CLSTN2: variants seen among roughly 807,000 people sequenced by gnomAD.
CLSTN2 encodes the protein calsyntenin-2.
CLSTN2 carries 48 observed loss-of-function variants against 101.2 expected under a neutral mutation model. The ratio of observed to expected loss-of-function variants is 0.47; its 90% confidence interval spans 0.38 to 0.60. CLSTN2 has a LOEUF of 0.60. CLSTN2 is among the 20% of genes least tolerant of loss of function. The pLI, the probability that CLSTN2 is intolerant of heterozygous loss-of-function variation, is 0.00. For synonymous variants in CLSTN2, 481 were observed against 463.6 expected (o/e 1.04, Z -0.48); for missense variants, 1,160 against 1,238.2 (o/e 0.94, Z 0.95).
At chr3:140,440,091 T>C (rs1043859594) in intron 5 of CLSTN2, among the ~76,000 whole-genome samples, 2 of 151,752 alleles carry the variant, frequency 1.3e-5, no homozygotes, top group South Asian at 2.1e-4. Flanking sequence ...GGGGTGGAGA[T>C]TGGGGGAGAC....
chr3:140,227,644 A>G (rs2086335046), intron 2 of CLSTN2, among the ~76,000 whole-genome samples: 1 of 152,232 alleles, frequency 6.6e-6, no homozygotes, highest in Non-Finnish European at 1.5e-5. Context: ...TTGCCCTAGC[A>G]AAGGTTCTCA....
chr3:140,279,971 C>G (rs980786198), intron 2 of CLSTN2, among the ~76,000 whole-genome samples: 2 of 152,158 alleles, frequency 1.3e-5, no homozygotes, highest in African/African-American at 4.8e-5. Flanking sequence ...GTGGCTCGCT[C>G]CACTCTCTTG....
chr3:140,495,868 C>T, intron 8 of CLSTN2, among the ~76,000 whole-genome samples: 1 of 152,070 alleles, frequency 6.6e-6, no homozygotes, highest in Non-Finnish European at 1.5e-5. Flanking sequence ...TTACTGTACC[C>T]TTGTAGTATA....
At chr3:140,158,493 A>G (rs2009992633) in intron 1 of CLSTN2, among the ~76,000 whole-genome samples, 1 of 152,208 alleles carries the variant, frequency 6.6e-6, no homozygotes, top group Non-Finnish European at 1.5e-5. Flanking sequence ...CTCATCAAGG[A>G]GATGAAAGAT....
chr3:140,343,720 A>G (rs1363462171), intron 2 of CLSTN2, among the ~76,000 whole-genome samples: 1 of 152,346 alleles, frequency 6.6e-6, no homozygotes, highest in South Asian at 2.1e-4. Context: ...TGTTCATCCA[A>G]GTTCTAGTTA....
Position 140,573,215 on chromosome 3 carries a change from GT to G in CLSTN2, c.*6963del, listed in dbSNP as rs1985615936. 6.6e-6 allele frequency: 1 copy of G among 152,320 alleles called. No homozygotes were observed. Among genetic ancestry groups the G allele is most frequent in the Admixed American group, 6.5e-5 (1 of 15,276 alleles). 9.4% of individuals were successfully genotyped at this position (152,320 alleles called of 1,614,324 possible). A position where few individuals can be genotyped will look rare whatever the true frequency, so the allele number is the denominator to read the frequency against. On this transcript the variant is annotated 3_prime_UTR_variant, in exon 17 of 17. Coordinates refer to ENST00000458420, the MANE Select transcript of CLSTN2 (RefSeq NM_022131.3). ...GGAGACACCCAGGGCCTGGCAGAGT[GT>G]GGAGGGGGTCATTTAAGGACGTTGC...
intron 2 of CLSTN2, among the ~76,000 whole-genome samples, chr3:140,216,767 G>T (rs1211983607): frequency 6.6e-6 from 1 of 152,194 alleles, no homozygotes; most frequent in Non-Finnish European, 1.5e-5. Flanking sequence ...GTTTTGTACA[G>T]ATATTAGGTT....
intron 1 of CLSTN2, among the ~76,000 whole-genome samples, chr3:140,065,175 T>C (rs2350489): frequency 0.98 from 149,383 of 152,342 alleles, 73,257 homozygotes; most frequent in Middle Eastern, 1. Context: ...TGGGGCCAGA[T>C]AATGAGCAGG....
intron 1 of CLSTN2, among the ~76,000 whole-genome samples, chr3:139,947,282 C>A (rs564913878): frequency 6.6e-6 from 1 of 152,322 alleles, no homozygotes; most frequent in East Asian, 1.9e-4. Context: ...GTCCTCCCAG[C>A]CAACATGCAA....
intron 2 of CLSTN2, among the ~76,000 whole-genome samples, chr3:140,371,086 A>G (rs1290111621): frequency 1.3e-5 from 2 of 152,124 alleles, no homozygotes; most frequent in African/African-American, 4.8e-5. Flanking sequence ...TTCTGCAGAA[A>G]TTTTCTCACT....
At chr3:140,563,024 G>A (rs1360466359) in intron 14 of CLSTN2, 56 bp from the exon 15 acceptor site, 5 of 1,611,648 alleles carry the variant, frequency 3.1e-6, no homozygotes, top group Non-Finnish European at 4.2e-6. Flanking sequence ...CAGAAATGCT[G>A]TAACTGGCCC....
chr3:140,430,157 AC>A (rs1444670087), intron 5 of CLSTN2, among the ~76,000 whole-genome samples: 1 of 152,200 alleles, frequency 6.6e-6, no homozygotes, highest in Non-Finnish European at 1.5e-5. Flanking sequence ...TGCCAGAAAG[AC>A]AGAGTAAAGA....
intron 5 of CLSTN2, among the ~76,000 whole-genome samples, chr3:140,447,894 T>C (rs982878377): frequency 2.8e-4 from 42 of 152,192 alleles, no homozygotes; most frequent in African/African-American, 9.2e-4. Flanking sequence ...GATCTGACGT[T>C]TGCCTGTGAA....
chr3:140,415,503 A>AAAAAAAAAAAAAAAAT, intron 4 of CLSTN2, among the ~76,000 whole-genome samples: 1 of 150,666 alleles, frequency 6.6e-6, no homozygotes, highest in Admixed American at 6.6e-5. Context: ...AAAAAAAAAA[A>AAAAAAAAAAAAAAAAT]AAAAAAACAA....
At chr3:140,046,666 C>G (rs1376035093) in intron 1 of CLSTN2, among the ~76,000 whole-genome samples, 5 of 152,116 alleles carry the variant, frequency 3.3e-5, no homozygotes. Context: ...TGTTCCTTTC[C>G]ATGTTTAGGG....
At chr3:140,371,421 C>T (rs1450054378) in intron 2 of CLSTN2, among the ~76,000 whole-genome samples, 4 of 152,162 alleles carry the variant, frequency 2.6e-5, no homozygotes, top group Non-Finnish European at 4.4e-5. Flanking sequence ...CAAGGACTGA[C>T]CATGTTGTTA....
At chr3:140,345,329 A>G (rs1180671642) in intron 2 of CLSTN2, among the ~76,000 whole-genome samples, 3 of 150,510 alleles carry the variant, frequency 2.0e-5, no homozygotes, top group South Asian at 4.2e-4. Context: ...GCTCACTGCA[A>G]CCTATGCCTC....
chr3:140,473,147 T>C (rs1933894996), intron 8 of CLSTN2, among the ~76,000 whole-genome samples: 1 of 152,214 alleles, frequency 6.6e-6, no homozygotes, highest in South Asian at 2.1e-4. Flanking sequence ...AGAGTGCCAG[T>C]GTGCTGGCAC....
At chr3:140,303,841 C>T (rs2087085279) in intron 2 of CLSTN2, among the ~76,000 whole-genome samples, 1 of 151,760 alleles carries the variant, frequency 6.6e-6, no homozygotes, top group African/African-American at 2.4e-5. Context: ...CCAGGAATCT[C>T]ACTTTGGACT....
Sources: allele counts gnomAD v4.1 joint callset (sites outside exome capture counted in the v4.1 genomes callset), GRCh38; gene constraint gnomAD v4.1.1; transcripts MANE v1.5; gene names NCBI Gene and HGNC (gene_info 2026-07-23, HGNC 2026-07-21).